Variants in SLC25A42 observed in about 807,000 individuals in gnomAD.
The protein encoded by SLC25A42 is solute carrier family 25 member 42.
In SLC25A42, 19 loss-of-function variants were observed where a neutral mutation model predicts 34.7. The ratio of observed to expected loss-of-function variants is 0.55; its 90% CI spans 0.38 to 0.80. SLC25A42 has a LOEUF of 0.80. Among genes scored for constraint, SLC25A42 ranks in the 30% least tolerant of loss-of-function variants. The probability of loss-of-function intolerance (pLI) is 0.00; values close to 1 mark genes in which losing one functional copy is unlikely to be tolerated. For synonymous variants in SLC25A42, 205 were observed against 191.2 expected (o/e 1.07, Z -0.59); for missense variants, 364 against 441.3 (o/e 0.82, Z 1.57).
chr19:19,109,782 A>G lies in SLC25A42; in HGVS notation c.650-787A>G, dbSNP rs1234123417. 2.6e-5 allele frequency among the ~76,000 whole-genome samples: 4 copies of G among 152,148 alleles called. No homozygotes were observed. The highest frequency in any genetic ancestry group is 4.4e-5 in the Non-Finnish European group (3 of 68,038). On this transcript the variant is annotated intron_variant, in intron 7 of 7. Coordinates refer to ENST00000318596, the MANE Select transcript of SLC25A42 (RefSeq NM_178526.5). This position sits in a 1 kb window ranked among gnomAD's most constrained non-coding sequence, Gnocchi z 4.1. Reference sequence around the variant, plus strand: ...TAAATTTACTATTACAAATGTTTAAAGTACCCCTACTGACCTGTTGCTGCT... The same window carrying G: ...TAAATTTACTATTACAAATGTTTAAGGTACCCCTACTGACCTGTTGCTGCT...
intron 1 of SLC25A42, among the ~76,000 whole-genome samples, chr19:19,089,385 A>G (rs1431393157): frequency 6.6e-6 from 1 of 151,744 alleles, no homozygotes; most frequent in African/African-American, 2.4e-5. Flanking sequence ...AAAGTTAGCC[A>G]GGCATGGTGG....
In SLC25A42 at chr19:19,082,000, A is replaced by G. The variant is rs144131688; in HGVS notation, c.-34-14091A>G. Among the ~76,000 whole-genome samples, 1,633 of 150,508 alleles carry G rather than the reference A, an allele frequency of 0.011. 16 individuals are homozygous for G. The highest frequency in any genetic ancestry group is 0.017 in the Non-Finnish European group (1,125 of 67,670). On this transcript the variant is annotated intron_variant, in intron 1 of 7. Coordinates refer to ENST00000318596, the MANE Select transcript of SLC25A42 (RefSeq NM_178526.5). This position sits in a 1 kb window ranked among gnomAD's most constrained non-coding sequence, Gnocchi z 4.5. The stretch of plus-strand genomic sequence containing the variant: ...TGGGAGTGATTGGCCTCCTGGGACC[A>G]CTCCCACTAGGGCTGGCAGCTCTAG...
intron 1 of SLC25A42, among the ~76,000 whole-genome samples, chr19:19,080,884 C>T (rs1388344744): frequency 1.4e-5 from 2 of 140,552 alleles, no homozygotes; most frequent in Non-Finnish European, 3.0e-5. Flanking sequence ...TGCGCTACTG[C>T]ACTCCAGCCT....
At chr19:19,065,970 C>T (rs1287637871) in intron 1 of SLC25A42, among the ~76,000 whole-genome samples, 1 of 152,108 alleles carries the variant, frequency 6.6e-6, no homozygotes, top group Non-Finnish European at 1.5e-5. Flanking sequence ...AGTTCTCCTA[C>T]CTCAGCCTCC....
rs895873119 is a variant in SLC25A42, at chr19:19,110,601, G to C, written c.682G>C (p.Glu228Gln). 3 of 1,485,806 alleles carry C rather than the reference G, an allele frequency of 2.0e-6. No individual in the cohort carries two copies. Among genetic ancestry groups the C allele is most frequent in the African/African-American group, 1.4e-5 (1 of 69,662 alleles). 92.0% of individuals were successfully genotyped at this position (1,485,806 alleles called of 1,614,324 possible). A position where few individuals can be genotyped will look rare whatever the true frequency, so the allele number is the denominator to read the frequency against. Residue 228 changes from glutamate to glutamine, a missense_variant, in exon 8 of 8, where the codon GAG becomes CAG. Coordinates refer to ENST00000318596, the MANE Select transcript of SLC25A42 (RefSeq NM_178526.5). ...YSGRRQPYPFERMIFGACAGL... is the reference protein window; with the variant it reads ...YSGRRQPYPFQRMIFGACAGL... ...CGGCCGCCGGCAGCCCTACCCCTTC[G>C]AGCGCATGATCTTCGGCGCCTGCGC...
chr19:19,079,656 TTGA>T (rs1391704000), intron 1 of SLC25A42, among the ~76,000 whole-genome samples: 5 of 152,218 alleles, frequency 3.3e-5, no homozygotes, highest in African/African-American at 1.2e-4. Context: ...CATTCATCTG[TTGA>T]TGAGCAGTTG....
At chr19:19,085,102 C>T (rs2059700472) in intron 1 of SLC25A42, among the ~76,000 whole-genome samples, 1 of 152,148 alleles carries the variant, frequency 6.6e-6, no homozygotes, top group African/African-American at 2.4e-5. Flanking sequence ...TGTCCTTGGA[C>T]TTGGCCAAAC....
chr19:19,105,945 TG>T, intron 5 of SLC25A42: 1 of 567,184 alleles, frequency 1.8e-6, no homozygotes, highest in Non-Finnish European at 3.1e-6. Context: ...TCCTCTCCTT[TG>T]CCCGTTTGTC....
chr19:19,105,193 G>C, intron 4 of SLC25A42: 2 of 582,810 alleles, frequency 3.4e-6, no homozygotes, highest in South Asian at 4.5e-5. Context: ...GTTAAACAGA[G>C]AGCAGGTGCT....
At chr19:19,066,907 C>G (rs2145893956) in intron 1 of SLC25A42, among the ~76,000 whole-genome samples, 1 of 151,840 alleles carries the variant, frequency 6.6e-6, no homozygotes, top group Admixed American at 6.6e-5. Flanking sequence ...TCCACAGTTA[C>G]TCAGGAGGCT....
rs2059860277 is a variant in SLC25A42 at position 19,110,834 on chromosome 19, C to T, written c.915C>T (p.Thr305=). 6.2e-7 allele frequency: 1 copy of T among 1,614,008 alleles called. No individual in the cohort carries two copies. The highest frequency in any genetic ancestry group is 8.5e-7 in the Non-Finnish European group (1 of 1,180,024). The change falls in exon 8 of 8, where the codon ACC becomes ACT. Residue 305 remains threonine (T), a synonymous_variant. Transcript: ENST00000318596. ...TCGCCGTGGGCATCAGCTTCACCAC[C>T]TTCGACCTCATGCAGATCCTGCTGC... ...GPIAVGISFT[T]FDLMQILLRH...
At chr19:19,106,174 C>T in intron 5 of SLC25A42, 95 bp from the exon 6 acceptor site, 3 of 1,085,446 alleles carry the variant, frequency 2.8e-6, no homozygotes, top group Non-Finnish European at 4.1e-6. Context: ...CCCCTGTCCC[C>T]GCCCCAGCAG....
Position 19,108,010 on chromosome 19 carries a change from T to G in SLC25A42, c.614T>G (p.Phe205Cys), listed in dbSNP as rs2059842386. 2.5e-6 allele frequency: 4 copies of G among 1,607,574 alleles called. No homozygotes were observed. The highest frequency in any genetic ancestry group is 3.4e-6 in the Non-Finnish European group (4 of 1,176,232). The change falls in exon 7 of 8, where the codon TTC becomes TGC. Residue 205 changes from phenylalanine (F) to cysteine (C), a missense_variant. Phe to Cys is a radical substitution (Grantham distance 205). Coordinates refer to ENST00000318596, the MANE Select transcript of SLC25A42 (RefSeq NM_178526.5). ...LGVIPYAGLSFFTYETLKSLH... is the reference protein window; with the variant it reads ...LGVIPYAGLSCFTYETLKSLH... ...GTCATTCCCTACGCTGGCCTGAGCTTCTTCACCTATGAGACGCTCAAGAGC... is the reference window on the plus strand; with the variant it reads ...GTCATTCCCTACGCTGGCCTGAGCTGCTTCACCTATGAGACGCTCAAGAGC...
chr19:19,078,755 AT>A (rs2059667183), intron 1 of SLC25A42, among the ~76,000 whole-genome samples: 1 of 152,018 alleles, frequency 6.6e-6, no homozygotes, highest in Admixed American at 6.6e-5. Flanking sequence ...CCACCCTGTT[AT>A]CCTGCCAGAG....
chr19:19,091,611 T>C (rs1259649853), intron 1 of SLC25A42, among the ~76,000 whole-genome samples: 1 of 151,840 alleles, frequency 6.6e-6, no homozygotes, highest in Admixed American at 6.6e-5. Context: ...GTGCGGTGGC[T>C]CCCACCTGGA....
chr19:19,105,459 C>A, intron 4 of SLC25A42, 102 bp from the exon 5 acceptor site: 1 of 1,421,518 alleles, frequency 7.0e-7, no homozygotes, highest in African/African-American at 1.4e-5. Flanking sequence ...GATGGGGTCA[C>A]CCCGGCCCCG....
Position 19,084,637 on chromosome 19 carries a change from C to T in SLC25A42, c.-34-11454C>T, listed in dbSNP as rs1463443390. Reference sequence around the variant, plus strand: ...CCCATCCCCATCCCATCAGACTGGGCTGCTTCCAAAGAGTAGAGTAGGGAA... The same window carrying T: ...CCCATCCCCATCCCATCAGACTGGGTTGCTTCCAAAGAGTAGAGTAGGGAA... On this transcript the variant is annotated intron_variant, in intron 1 of 7. Coordinates refer to ENST00000318596, the MANE Select transcript of SLC25A42 (RefSeq NM_178526.5). 3.3e-5 allele frequency among the ~76,000 whole-genome samples: 5 copies of T among 152,326 alleles called. No homozygotes were observed. In the East Asian group the frequency reaches 9.6e-4, roughly 29 times the overall value.
At chr19:19,108,145 G>C (rs1454271826) in intron 7 of SLC25A42, 100 bp downstream of exon 7, 3 of 1,382,344 alleles carry the variant, frequency 2.2e-6, no homozygotes, top group Non-Finnish European at 2.9e-6. Flanking sequence ...CAGGCGGAGT[G>C]GGGTACGACC....
intron 1 of SLC25A42, among the ~76,000 whole-genome samples, chr19:19,064,846 A>C: frequency 2.0e-5 from 3 of 149,880 alleles, no homozygotes; most frequent in African/African-American, 2.5e-5. Flanking sequence ...GGATCGCTGC[A>C]CCCTCCCCTC....
Sources: allele counts gnomAD v4.1 joint callset (sites outside exome capture counted in the v4.1 genomes callset), GRCh38; gene constraint gnomAD v4.1.1; non-coding constraint Gnocchi (gnomAD v3.1); transcripts MANE v1.5; gene names NCBI Gene and HGNC (gene_info 2026-07-23, HGNC 2026-07-21).